KIAA1217: variants seen among roughly 807,000 people sequenced by gnomAD.
KIAA1217 encodes KIAA1217.
KIAA1217 carries 88 observed loss-of-function variants against 163.9 expected under a neutral mutation model. That is an observed-to-expected ratio of 0.54 (90% confidence interval 0.45 to 0.64). KIAA1217 has a LOEUF of 0.64. Ranked by LOEUF, KIAA1217 falls within the 30% of genes least tolerant of loss-of-function variation. The probability of loss-of-function intolerance (pLI) is 0.00; values close to 1 mark genes in which losing one functional copy is unlikely to be tolerated. For missense variants in KIAA1217, 2,372 were observed against 2,475.0 expected (o/e 0.96, Z 0.88); for synonymous variants, 903 against 923.1 (o/e 0.98, Z 0.39).
intron 3 of KIAA1217, among the ~76,000 whole-genome samples, chr10:24,421,093 C>A (rs899750194): frequency 6.6e-6 from 1 of 152,180 alleles, no homozygotes. Context: ...CCACCTCATG[C>A]CTCCTGGGTT....
intron 1 of KIAA1217, among the ~76,000 whole-genome samples, chr10:23,897,005 G>A (rs886327893): frequency 1.1e-4 from 17 of 152,142 alleles, no homozygotes; most frequent in African/African-American, 4.1e-4. Flanking sequence ...ATACTATAAA[G>A]AGACATTCCT....
At chr10:24,484,242 T>TATATATATATATATATATA (rs34504704) in intron 6 of KIAA1217, among the ~76,000 whole-genome samples, 3 of 48,260 alleles carry the variant, frequency 6.2e-5, no homozygotes, top group African/African-American at 2.3e-4. Flanking sequence ...TATATATATA[T>TATATATATATATATATATA]TTTTTTTTTT....
rs146374797 is a variant in KIAA1217 at position 24,127,898 on chromosome 10, A to G, written c.-170-91728A>G. Among the ~76,000 whole-genome samples the G allele has an allele frequency of 5.1e-3, 779 of 152,336 alleles. 2 individuals carry two copies. The highest frequency in any genetic ancestry group is 0.011 in the South Asian group (51 of 4,822). ...CCCTAAAATTCTCTTTGGAAGCAAC[A>G]TGTTAGTAATAAGTCAGCAATAAGA... On this transcript the variant is annotated intron_variant, in intron 2 of 18. Transcript: ENST00000376462.
intron 2 of KIAA1217, among the ~76,000 whole-genome samples, chr10:24,066,685 G>T (rs1303317605): frequency 2.0e-5 from 3 of 152,068 alleles, no homozygotes. Flanking sequence ...TTTGAATGTT[G>T]GTCTGCCTTG....
intron 1 of KIAA1217, among the ~76,000 whole-genome samples, chr10:23,883,000 ATC>A (rs1841016705): frequency 6.6e-6 from 1 of 151,938 alleles, no homozygotes; most frequent in Admixed American, 6.6e-5. Flanking sequence ...GATAAATTAT[ATC>A]TCTCTTTTAC....
Position 24,473,858 on chromosome 10 carries a change from C to T in KIAA1217, c.1477C>T (p.His493Tyr). ...MIDMHAHYNA[H>Y]GPPHTMQPDR... is the part of the protein sequence containing the mutation. ...AGACATGCACGCTCACTATAATGCCCACGGCCCCCCTCACACCATGCAGCC... is the reference window on the plus strand; with the variant it reads ...AGACATGCACGCTCACTATAATGCCTACGGCCCCCCTCACACCATGCAGCC... Residue 493 changes from histidine (H) to tyrosine (Y), a missense_variant, in exon 6 of 21, where the codon CAC becomes TAC. This residue lies in a region of KIAA1217 where 1,431 missense variants were observed against 1,470.3 expected (regional missense o/e 0.97). Transcript: ENST00000376454. The T allele has an allele frequency of 6.2e-7, 1 of 1,614,154 alleles. No individual in the cohort carries two copies. The highest frequency in any genetic ancestry group is 8.5e-7 in the Non-Finnish European group (1 of 1,180,026).
chr10:23,809,879 T>C (rs78490416), intron 1 of KIAA1217, among the ~76,000 whole-genome samples: 1,644 of 152,178 alleles, frequency 0.011, 7 homozygotes, highest in Non-Finnish European at 0.018. Flanking sequence ...ACTTATGACT[T>C]TTTAACTTTA....
chr10:24,495,084 T>TAAAA, intron 7 of KIAA1217, 63 bp from the exon 8 acceptor site: 1 of 1,095,936 alleles, frequency 9.1e-7, no homozygotes, highest in Non-Finnish European at 1.3e-6. Context: ...GGAATGGGCT[T>TAAAA]TAAAAAAAAA....
intron 1 of KIAA1217, among the ~76,000 whole-genome samples, chr10:23,864,043 T>C (rs1215362924): frequency 6.6e-6 from 1 of 151,776 alleles, no homozygotes. Flanking sequence ...TACATGATTA[T>C]TGAGTACTCA....
At chr10:23,970,185 G>C (rs1036419751) in intron 1 of KIAA1217, among the ~76,000 whole-genome samples, 1 of 152,118 alleles carries the variant, frequency 6.6e-6, no homozygotes, top group African/African-American at 2.4e-5. Context: ...GTGTGCTTTT[G>C]TTCTTGTATT....
intron 3 of KIAA1217, among the ~76,000 whole-genome samples, chr10:24,384,816 G>A (rs1028721490): frequency 2.6e-5 from 4 of 152,352 alleles, no homozygotes; most frequent in African/African-American, 9.6e-5. Flanking sequence ...GATTACTGGC[G>A]TGAGCCACCA....
intron 3 of KIAA1217, among the ~76,000 whole-genome samples, chr10:24,393,386 T>G (rs554171449): frequency 6.6e-6 from 1 of 152,294 alleles, no homozygotes; most frequent in Non-Finnish European, 1.5e-5. Flanking sequence ...GGCCCCTGTC[T>G]GGAGATGAGG....
chr10:23,998,088 G>A lies in KIAA1217; in HGVS notation c.-320-9137G>A, dbSNP rs571883710. ...TCAACTATTTTCAATTTTACCCTCC[G>A]TTTGGCTCTTTCTCCTTTGCTTTCA... On this transcript the variant is annotated intron_variant, in intron 1 of 18. Coordinates refer to the KIAA1217 transcript ENST00000376462. Among the ~76,000 whole-genome samples the A allele has an allele frequency of 4.4e-4, 67 of 150,606 alleles. 1 individual carries two copies. Among genetic ancestry groups the A allele is most frequent in the African/African-American group, 1.4e-3 (58 of 40,946 alleles).
intron 2 of KIAA1217, among the ~76,000 whole-genome samples, chr10:24,110,600 TA>T (rs11452842): frequency 0.049 from 6,814 of 140,280 alleles, 388 homozygotes; most frequent in African/African-American, 0.14. Flanking sequence ...CTGTGGGCCT[TA>T]AAAAAAAAAA....
At position 23,805,105 on chromosome 10, in the gene KIAA1217, A is replaced by T. The variant is rs77021847; in HGVS notation, c.-321+109871A>T. 1.2e-3 allele frequency among the ~76,000 whole-genome samples: 179 copies of T among 152,280 alleles called. 13 individuals are homozygous for T. The East Asian group carries it at 0.028, about 24-fold the overall frequency. On this transcript the variant is annotated intron_variant, in intron 1 of 18. Transcript: ENST00000376462. ...GGAAGACAGTGTTTAAAAATCACTT[A>T]AAAAGAGGTGAAATACTAAAGACAG...
At chr10:24,291,192 G>T (rs982144826) in intron 2 of KIAA1217, among the ~76,000 whole-genome samples, 1 of 152,144 alleles carries the variant, frequency 6.6e-6, no homozygotes, top group Non-Finnish European at 1.5e-5. Flanking sequence ...CTATCCTAGA[G>T]CCCAGTCCCC....
chr10:23,929,655 T>C lies in KIAA1217; in HGVS notation c.-320-77570T>C, dbSNP rs564443071. 7.2e-5 allele frequency among the ~76,000 whole-genome samples: 11 copies of C among 152,348 alleles called. No individual in the cohort carries two copies. In the South Asian group the frequency reaches 1.7e-3, roughly 23 times the overall value. On this transcript the variant is annotated intron_variant, in intron 1 of 18. Coordinates refer to the KIAA1217 transcript ENST00000376462. ...AAAGGACGTGATTTCATTCTTTTTT[T>C]TGTGGCTGCGTAGTATCCATGAGGT...
Position 24,513,258 on chromosome 10 carries a change from G to A in KIAA1217, c.2002-1G>A. The stretch of plus-strand genomic sequence containing the variant: ...TGAGGTTGATTTTTTTGTGTTCACA[G>A]CTGCAGAACCAGGAGTTGCTGAGGG... On this transcript the variant is annotated splice_acceptor_variant, in intron 9 of 20. Coordinates refer to ENST00000376454, the MANE Select transcript of KIAA1217 (RefSeq NM_019590.5). LOFTEE classifies it high-confidence loss of function. 6.2e-7 allele frequency: 1 copy of A among 1,613,690 alleles called. No homozygotes were observed. Among genetic ancestry groups the A allele is most frequent in the Non-Finnish European group, 8.5e-7 (1 of 1,179,860 alleles).
intron 1 of KIAA1217, among the ~76,000 whole-genome samples, chr10:24,218,297 C>T (rs939182662): frequency 6.6e-6 from 1 of 152,084 alleles, no homozygotes; most frequent in Non-Finnish European, 1.5e-5. Context: ...TCAGCATTGA[C>T]ATCATATGAC....
Sources: allele counts gnomAD v4.1 joint callset (sites outside exome capture counted in the v4.1 genomes callset), GRCh38; gene constraint gnomAD v4.1.1; regional missense constraint gnomAD v4.1.1; transcripts MANE v1.5; gene names NCBI Gene and HGNC (gene_info 2026-07-23, HGNC 2026-07-21).